HERC2: variants seen among roughly 807,000 people sequenced by gnomAD.
The protein encoded by HERC2 is E3 ubiquitin-protein ligase HERC2.
Under a neutral mutation model 537.7 loss-of-function variants are expected in HERC2, and 102 were observed. The ratio of observed to expected loss-of-function variants is 0.19; its 90% CI spans 0.16 to 0.22. The LOEUF is 0.22. HERC2 is among the 10% of genes least tolerant of loss of function. HERC2 has a pLI of 1.00. For missense variants in HERC2, 4,236 were observed against 6,198.2 expected, an observed-to-expected ratio of 0.68 and a Z score of 10.63; for synonymous variants, 2,224 against 2,466.2, an observed-to-expected ratio of 0.90 and a Z score of 2.91.
At position 28,146,228 on chromosome 15, in the gene HERC2, T is replaced by G; in HGVS notation, c.11008+9A>C. 1 of 1,603,678 alleles carries G rather than the reference T, an allele frequency of 6.2e-7. No homozygotes were observed. The highest frequency in any genetic ancestry group is 8.5e-7 in the Non-Finnish European group (1 of 1,170,738). On this transcript the variant is annotated intron_variant, in intron 71 of 92. Transcript: ENST00000261609. ...GTAGATCATGCCCTGCTCAACCTCCTGTCCTTACCTGACCGCACGGAGACG... is the reference window on the plus strand; with the variant it reads ...GTAGATCATGCCCTGCTCAACCTCCGGTCCTTACCTGACCGCACGGAGACG...
In HERC2 at chr15:28,257,133, A is replaced by G. The variant is rs11631797; in HGVS notation, c.2445T>C (p.Gly815=). Residue 815 remains glycine, a synonymous_variant, in exon 17 of 93, where the codon GGT becomes GGC. Transcript: ENST00000261609. ...LLRQVSEGMD[G]SADWPPPQEK... is the part of the protein sequence containing the mutation. ...CCTGGGGCGGGGGCCAGTCCGCGGAACCATCCATCCCCTCACTCACCTGCC... is the reference window on the plus strand; with the variant it reads ...CCTGGGGCGGGGGCCAGTCCGCGGAGCCATCCATCCCCTCACTCACCTGCC... The G allele has an allele frequency of 0.78, 1,259,388 of 1,612,548 alleles. 520,961 individuals are homozygous for G. Among genetic ancestry groups the G allele is most frequent in the Non-Finnish European group, 0.86 (1,016,590 of 1,178,816 alleles).
At chr15:28,302,916 C>T (rs1033869805) in intron 2 of HERC2, among the ~76,000 whole-genome samples, 1 of 151,950 alleles carries the variant, frequency 6.6e-6, no homozygotes, top group African/African-American at 2.4e-5. Context: ...AATCCTTTGT[C>T]AGATGGGTAG....
intron 16 of HERC2, among the ~76,000 whole-genome samples, chr15:28,260,526 G>A (rs1383784828): frequency 6.6e-6 from 1 of 152,158 alleles, no homozygotes; most frequent in African/African-American, 2.4e-5. Flanking sequence ...GGGCAATCAG[G>A]CCGGGAAAAG....
intron 44 of HERC2, among the ~76,000 whole-genome samples, chr15:28,209,407 G>T (rs1020902036): frequency 1.3e-5 from 2 of 151,390 alleles, no homozygotes; most frequent in Non-Finnish European, 2.9e-5. Flanking sequence ...GCAGTGACAC[G>T]ATCTCGCCTC....
At chr15:28,266,491 G>T (rs1174849494) in intron 12 of HERC2, among the ~76,000 whole-genome samples, 1 of 151,868 alleles carries the variant, frequency 6.6e-6, no homozygotes, top group East Asian at 1.9e-4. Context: ...CTCCACCTTG[G>T]GTAACAAGAA....
intron 4 of HERC2, 33 bp from the exon 5 acceptor site, chr15:28,280,320 T>G: frequency 6.5e-7 from 1 of 1,528,438 alleles, no homozygotes; most frequent in Non-Finnish European, 8.9e-7. Flanking sequence ...ATCTCACCTG[T>G]GGACAATGTG....
In HERC2 at chr15:28,260,953, C is replaced by T. The variant is rs772968149; in HGVS notation, c.2140G>A (p.Val714Met). 5 of 1,613,728 alleles carry T rather than the reference C, an allele frequency of 3.1e-6. No individual in the cohort carries two copies. Among genetic ancestry groups the T allele is most frequent in the Non-Finnish European group, 4.2e-6 (5 of 1,179,844 alleles). Residue 714 changes from valine to methionine, a missense_variant, in exon 16 of 93, where the codon GTG becomes ATG. Val to Met is a conservative substitution (Grantham distance 21). This residue lies in a region of HERC2 where 754 missense variants were observed against 1,085.0 expected (regional missense o/e 0.69). Transcript: ENST00000261609. The stretch of plus-strand genomic sequence containing the variant: ...AGGCAGTGGGTGGAGCCTGCAGCCA[C>T]ATCAATCACCTTCTTCCCTACAAGG... ...EGLQGKKVID[V>M]AAGSTHCLAL... is the part of the protein sequence containing the mutation.
At position 28,177,586 on chromosome 15, in the gene HERC2, G is replaced by T; in HGVS notation, c.9164-77C>A. On this transcript the variant is annotated intron_variant, in intron 59 of 92. Coordinates refer to ENST00000261609, the MANE Select transcript of HERC2 (RefSeq NM_004667.6). The surrounding 1 kb of genome is among the most constrained non-coding windows in gnomAD (Gnocchi z 5.0). ...CACAGCATAGCTAGCTCCCTATTTT[G>T]CCTGGCATATAGCACACACTCAATG... 7.7e-7 allele frequency: 1 copy of T among 1,306,110 alleles called. No homozygotes were observed. Among genetic ancestry groups the T allele is most frequent in the Non-Finnish European group, 1.1e-6 (1 of 901,622 alleles). The allele number at this position is 1,306,110 out of a possible 1,614,324, so 80.9% of individuals were successfully genotyped here. A position where few individuals can be genotyped will look rare whatever the true frequency, so the allele number is the denominator to read the frequency against.
At chr15:28,247,678 T>G (rs1903858126) in intron 21 of HERC2, among the ~76,000 whole-genome samples, 1 of 152,162 alleles carries the variant, frequency 6.6e-6, no homozygotes, top group Admixed American at 6.5e-5. Flanking sequence ...TCCGCCCACC[T>G]TGGCCTCCCA....
intron 3 of HERC2, among the ~76,000 whole-genome samples, 183 bp downstream of exon 3, chr15:28,299,219 A>C (rs2076553904): frequency 6.6e-6 from 1 of 152,132 alleles, no homozygotes; most frequent in Non-Finnish European, 1.5e-5. Context: ...AATTAACGTA[A>C]AACAATAAAA....
chr15:28,186,554 C>A, intron 56 of HERC2, 23 bp downstream of exon 56: 2 of 1,595,666 alleles, frequency 1.3e-6, no homozygotes, highest in South Asian at 2.2e-5. Context: ...GGTAAGTGAG[C>A]ACCTGTAACA....
chr15:28,275,106 A>T, intron 5 of HERC2, 101 bp from the exon 6 acceptor site: 1 of 606,642 alleles, frequency 1.6e-6, no homozygotes, highest in South Asian at 2.6e-5. Context: ...AAATCCGACC[A>T]ATGGTTTTCT....
intron 65 of HERC2, among the ~76,000 whole-genome samples, chr15:28,171,936 G>T (rs768344001): frequency 1.3e-5 from 2 of 151,648 alleles, no homozygotes; most frequent in Non-Finnish European, 2.9e-5. Context: ...TTAGCCGGGC[G>T]TGGTGGCAGG....
intron 39 of HERC2, among the ~76,000 whole-genome samples, chr15:28,215,410 T>C (rs1899786804): frequency 6.6e-6 from 1 of 152,140 alleles, no homozygotes; most frequent in South Asian, 2.1e-4. Context: ...AGTTGCAGGA[T>C]TTACCACTTA....
At chr15:28,182,253 A>T in intron 57 of HERC2, 148 bp downstream of exon 57, 2 of 519,178 alleles carry the variant, frequency 3.9e-6, no homozygotes, top group Non-Finnish European at 6.8e-6. Context: ...TCAAGGAGAG[A>T]CGCTTCTGAG....
chr15:28,128,100 C>T (rs544559641), intron 83 of HERC2, among the ~76,000 whole-genome samples: 17 of 152,280 alleles, frequency 1.1e-4, no homozygotes, highest in Admixed American at 3.3e-4. Context: ...GCAGAAACAT[C>T]GCAAAAAATC....
intron 48 of HERC2, among the ~76,000 whole-genome samples, chr15:28,200,170 GC>G (rs1897761351): frequency 6.6e-6 from 1 of 152,168 alleles, no homozygotes; most frequent in Non-Finnish European, 1.5e-5. Context: ...GCCAAGGCAG[GC>G]GGATCACCTG....
intron 57 of HERC2, among the ~76,000 whole-genome samples, chr15:28,179,922 T>C (rs1350852896): frequency 6.6e-6 from 1 of 152,220 alleles, no homozygotes; most frequent in Non-Finnish European, 1.5e-5. Flanking sequence ...AAAAAGTTTT[T>C]TAAAAAGTGA....
intron 20 of HERC2, 51 bp from the exon 21 acceptor site, chr15:28,248,787 A>G: frequency 7.0e-7 from 1 of 1,425,376 alleles, no homozygotes; most frequent in Non-Finnish European, 9.8e-7. Flanking sequence ...TTTCTACTAA[A>G]AAGAAAATGG....
Sources: allele counts gnomAD v4.1 joint callset (sites outside exome capture counted in the v4.1 genomes callset), GRCh38; gene constraint gnomAD v4.1.1; regional missense constraint gnomAD v4.1.1; non-coding constraint Gnocchi (gnomAD v3.1); transcripts MANE v1.5; gene names NCBI Gene and HGNC (gene_info 2026-07-23, HGNC 2026-07-21).